PLCG2: variants seen among roughly 807,000 people sequenced by gnomAD.
The protein encoded by PLCG2 is 1-phosphatidylinositol 4,5-bisphosphate phosphodiesterase gamma-2.
PLCG2 carries 69 observed loss-of-function variants against 175.6 expected under a neutral mutation model. That is an observed-to-expected ratio of 0.39 (90% CI 0.32 to 0.48). The LOEUF (loss-of-function observed/expected upper bound fraction) is 0.48. PLCG2 is among the 20% of genes least tolerant of loss of function. PLCG2 has a pLI of 0.91. For synonymous variants in PLCG2, 827 were observed against 624.0 expected (o/e 1.33, Z -4.85); for missense variants, 1,798 against 1,650.9 (o/e 1.09, Z -1.54).
At chr16:81,765,865 G>A (rs1206876847) in intron 2 of PLCG2, among the ~76,000 whole-genome samples, 3 of 152,206 alleles carry the variant, frequency 2.0e-5, no homozygotes, top group African/African-American at 7.2e-5. Flanking sequence ...GACAGCTGCT[G>A]TGTAGCCAAG....
chr16:81,829,358 C>G (rs1006465898), intron 2 of PLCG2, among the ~76,000 whole-genome samples: 1 of 152,188 alleles, frequency 6.6e-6, no homozygotes, highest in Non-Finnish European at 1.5e-5. Context: ...ATCTGCCCGC[C>G]TCGGCCTCCC....
chr16:81,961,314 T>C lies in PLCG2; in HGVS notation c.*3316T>C, dbSNP rs768801913. The C allele has an allele frequency of 3.4e-4, 77 of 225,344 alleles. No homozygotes were observed. The highest frequency in any genetic ancestry group is 5.8e-4 in the Non-Finnish European group (66 of 113,222). 14.0% of individuals were successfully genotyped at this position (225,344 alleles called of 1,614,324 possible). The stretch of plus-strand genomic sequence containing the variant: ...GATGAACTTTGGCTCAATCTTAAGA[T>C]GTTATCAATCTACATAGATGAAATA... On this transcript the variant is annotated 3_prime_UTR_variant, in exon 33 of 33. Transcript: ENST00000564138.
In PLCG2 at chr16:81,946,277, C is replaced by T. The variant is rs1323233041; in HGVS notation, c.3570+14C>T. The T allele has an allele frequency of 2.5e-6, 4 of 1,600,578 alleles. No homozygotes were observed. Among genetic ancestry groups the T allele is most frequent in the Non-Finnish European group, 3.4e-6 (4 of 1,167,812 alleles). ...CGGCCAGTCCTGGTGAGTGGAGAAACACCAGTTAAGGGTTCCCTGAGCTAT... is the reference window on the plus strand; with the variant it reads ...CGGCCAGTCCTGGTGAGTGGAGAAATACCAGTTAAGGGTTCCCTGAGCTAT... On this transcript the variant is annotated intron_variant, in intron 31 of 32. Transcript: ENST00000564138.
intron 2 of PLCG2, among the ~76,000 whole-genome samples, chr16:81,807,204 G>A (rs928302713): frequency 7.2e-6 from 1 of 139,602 alleles, no homozygotes; most frequent in Non-Finnish European, 1.6e-5. Context: ...AGCTCCCCAT[G>A]TCTTGTCCCA....
chr16:81,771,063 A>AT (rs1461711975), intron 2 of PLCG2, among the ~76,000 whole-genome samples: 2,035 of 101,274 alleles, frequency 0.02, 53 homozygotes, highest in African/African-American at 0.06. Flanking sequence ...ATCTCAAAAA[A>AT]AAAAAAAAAT....
chr16:81,939,881 TCTC>T lies in PLCG2; in HGVS notation c.3314-8_3314-6del. On this transcript the variant is annotated splice_region_variant and splice_polypyrimidine_tract_variant and intron_variant, in intron 29 of 32. Transcript: ENST00000564138. ...CAATGTGGCCTCTCATGAGCTTTGA[TCTC>T]CTTCCAGATGATAATGGCCTCAGCC... 1 of 1,606,824 alleles carries T rather than the reference TCTC, an allele frequency of 6.2e-7. No individual in the cohort carries two copies. The highest frequency in any genetic ancestry group is 8.5e-7 in the Non-Finnish European group (1 of 1,173,560).
intron 2 of PLCG2, among the ~76,000 whole-genome samples, chr16:81,767,251 T>C (rs1366377487): frequency 6.6e-6 from 1 of 150,872 alleles, no homozygotes; most frequent in East Asian, 2.0e-4. Context: ...TTCAAGAGAT[T>C]CTTGTGCCTC....
At chr16:81,776,910 C>A (rs1182567348), upstream of PLCG2, among the ~76,000 whole-genome samples, 1 of 152,088 alleles carries the variant, frequency 6.6e-6, no homozygotes, top group Non-Finnish European at 1.5e-5. Flanking sequence ...TGAAGGGCCT[C>A]CAGTACTCTC....
intron 5 of PLCG2, among the ~76,000 whole-genome samples, chr16:81,861,976 T>C (rs1045664448): frequency 1.3e-5 from 2 of 152,186 alleles, no homozygotes; most frequent in African/African-American, 4.8e-5. Flanking sequence ...TCCTCTCCTC[T>C]ACCTCCCTCC....
intron 2 of PLCG2, among the ~76,000 whole-genome samples, chr16:81,763,434 A>C (rs116237067): frequency 0.015 from 2,322 of 152,312 alleles, 50 homozygotes; most frequent in African/African-American, 0.053. Context: ...GTGGATGCCA[A>C]CTTGGGCTGG....
chr16:81,941,837 A>G (rs1910954880), intron 30 of PLCG2, among the ~76,000 whole-genome samples: 1 of 151,868 alleles, frequency 6.6e-6, no homozygotes, highest in African/African-American at 2.4e-5. Context: ...CATCTGGCTA[A>G]TTTTTGTATT....
chr16:81,897,798 A>G lies in PLCG2; in HGVS notation c.1193+1871A>G, dbSNP rs8049305. The stretch of plus-strand genomic sequence containing the variant: ...GACCTCAGGTGATCCTCCCGCCTCA[A>G]CCTCCCAAAGTGTGGGGATTATGGG... On this transcript the variant is annotated intron_variant, in intron 13 of 32. Transcript: ENST00000564138. The G allele has an allele frequency of 0.39, 175,479 of 454,188 alleles. 37,763 individuals are homozygous for G. The highest frequency in any genetic ancestry group is 0.72 in the East Asian group (10,250 of 14,272). 28.1% of individuals were successfully genotyped at this position (454,188 alleles called of 1,614,324 possible).
chr16:81,841,192 C>A (rs1905807887), intron 2 of PLCG2, among the ~76,000 whole-genome samples: 1 of 151,106 alleles, frequency 6.6e-6, no homozygotes. Flanking sequence ...TATCTGCAGG[C>A]CAAAAAGTAA....
chr16:81,762,136 C>T (rs138089103), intron 2 of PLCG2, among the ~76,000 whole-genome samples: 150 of 152,190 alleles, frequency 9.9e-4, no homozygotes, highest in African/African-American at 3.4e-3. Context: ...CGCATGGCCC[C>T]TGAACATTTA....
chr16:81,861,789 G>A (rs933349913), intron 5 of PLCG2, among the ~76,000 whole-genome samples: 6 of 152,212 alleles, frequency 3.9e-5, no homozygotes, highest in Admixed American at 6.5e-5. Context: ...GGCCAATCTG[G>A]CTCTGAAGTC....
At chr16:81,788,472 G>A (rs1911083099) in intron 2 of PLCG2, among the ~76,000 whole-genome samples, 1 of 152,116 alleles carries the variant, frequency 6.6e-6, no homozygotes, top group African/African-American at 2.4e-5. Context: ...AGTAGAGACG[G>A]GGTCTCACTG....
intron 2 of PLCG2, among the ~76,000 whole-genome samples, chr16:81,758,712 C>G (rs1016798601): frequency 1.3e-5 from 2 of 149,222 alleles, no homozygotes; most frequent in Non-Finnish European, 3.0e-5. Context: ...GAGTCTCACT[C>G]TGTTGCCCAG....
At chr16:81,871,665 A>C (rs1191204945) in intron 7 of PLCG2, among the ~76,000 whole-genome samples, 1 of 152,058 alleles carries the variant, frequency 6.6e-6, no homozygotes, top group Non-Finnish European at 1.5e-5. Context: ...CATATTTTTT[A>C]TGAGGGCATA....
intron 2 of PLCG2, among the ~76,000 whole-genome samples, chr16:81,759,277 T>C (rs746839540): frequency 2.0e-5 from 3 of 152,200 alleles, no homozygotes; most frequent in Admixed American, 6.5e-5. Flanking sequence ...GTTTTGTTTT[T>C]GGTTTTTAAA....
Sources: gnomAD v4.1 joint callset for allele counts (sites outside exome capture counted in the v4.1 genomes callset) on GRCh38, gnomAD v4.1.1 for gene constraint, MANE v1.5 for transcripts, NCBI Gene and HGNC (gene_info 2026-07-23, HGNC 2026-07-21) for gene names.